MEX3C: variants seen among roughly 807,000 people sequenced by gnomAD.
MEX3C encodes mex-3 RNA binding family member C.
Under a neutral mutation model 35.5 loss-of-function variants are expected in MEX3C, and 15 were observed. The ratio of observed to expected loss-of-function variants is 0.42; its 90% CI spans 0.28 to 0.65. The LOEUF is 0.65. Ranked by LOEUF, MEX3C falls within the 30% of genes least tolerant of loss-of-function variation. The probability of loss-of-function intolerance (pLI) is 0.20; values close to 1 mark genes in which losing one functional copy is unlikely to be tolerated. For missense variants in MEX3C, 711 were observed against 842.8 expected (o/e 0.84, Z 1.94); for synonymous variants, 390 against 352.8 (o/e 1.11, Z -1.18).
In MEX3C at chr18:51,175,597, T is replaced by C. The variant is rs1257782053; in HGVS notation, c.*754A>G. 3.9e-5 allele frequency: 6 copies of C among 152,776 alleles called. No individual in the cohort carries two copies. The highest frequency in any genetic ancestry group is 6.5e-5 in the Admixed American group (1 of 15,302). The allele number at this position is 152,776 out of a possible 1,614,324, so 9.5% of individuals were successfully genotyped here. A position where few individuals can be genotyped will look rare whatever the true frequency, so the allele number is the denominator to read the frequency against. On this transcript the variant is annotated 3_prime_UTR_variant, in exon 2 of 2. Transcript: ENST00000406189. ...TTGCATCCTCAATTATCAGCCAATA[T>C]AGGTGCCATCCCAAAGCCCTTCCTG...
intron 1 of MEX3C, chr18:51,196,276 G>A (rs1912784367): frequency 3.6e-6 from 2 of 555,950 alleles, no homozygotes; most frequent in Non-Finnish European, 5.9e-6. Flanking sequence ...GGTTTCTGGT[G>A]CCACGCCAGC....
At position 51,175,310 on chromosome 18, in the gene MEX3C, C is replaced by T. The variant is rs1052679999; in HGVS notation, c.*1041G>A. On this transcript the variant is annotated 3_prime_UTR_variant, in exon 2 of 2. Coordinates refer to ENST00000406189, the MANE Select transcript of MEX3C (RefSeq NM_016626.5). ...TATAGACATCCACAGGTGAAATGTA[C>T]GAGTATATTTTAAATAAATCTTTCC... is the stretch of plus-strand genomic sequence containing the variant. 3.9e-5 allele frequency: 6 copies of T among 152,498 alleles called. No individual in the cohort carries two copies. Among genetic ancestry groups the T allele is most frequent in the East Asian group, 1.9e-4 (1 of 5,172 alleles). The allele number at this position is 152,498 out of a possible 1,614,324, so 9.4% of individuals were successfully genotyped here.
Position 51,177,542 on chromosome 18 carries a change from GTT to G in MEX3C, c.787_788del (p.Asn263HisfsTer10). 6.2e-7 allele frequency: 1 copy of G among 1,610,380 alleles called. No individual in the cohort carries two copies. Among genetic ancestry groups the G allele is most frequent in the South Asian group, 1.1e-5 (1 of 90,386 alleles). ...CKIKALRAKT[N>X]TYIKTPVRGE... The stretch of plus-strand genomic sequence containing the variant: ...CACGAACAGGAGTCTTGATATACGT[GTT>G]TGTCTTGGCTCTCAGTGCTTTAATT... On this transcript the variant is annotated frameshift_variant, in exon 2 of 2. Coordinates refer to ENST00000406189, the MANE Select transcript of MEX3C (RefSeq NM_016626.5). LOFTEE classifies it high-confidence loss of function. This position sits in a 1 kb window ranked among gnomAD's most constrained non-coding sequence, Gnocchi z 4.2.
intron 1 of MEX3C, among the ~76,000 whole-genome samples, chr18:51,188,077 A>G (rs1912577368): frequency 6.6e-6 from 1 of 152,204 alleles, no homozygotes; most frequent in Non-Finnish European, 1.5e-5. Flanking sequence ...ATATAAAACT[A>G]ATAGCTTTCC....
At chr18:51,192,432 G>A (rs1195897141) in intron 1 of MEX3C, among the ~76,000 whole-genome samples, 1 of 152,110 alleles carries the variant, frequency 6.6e-6, no homozygotes, top group Non-Finnish European at 1.5e-5. Flanking sequence ...TAAAGCTAGT[G>A]TCTATATATA....
chr18:51,197,543 T>A lies in MEX3C; in HGVS notation c.-223A>T, dbSNP rs1414532465. The stretch of plus-strand genomic sequence containing the variant: ...AAGGAGGCAGAGGTAGGTAACTAGG[T>A]GGGTGGGTGGGGACGGCGGCGGGGC... On this transcript the variant is annotated 5_prime_UTR_variant, in exon 1 of 2. Transcript: ENST00000406189. 1.0e-3 allele frequency among the ~76,000 whole-genome samples: 10 copies of A among 9,970 alleles called. No homozygotes were observed. In the Admixed American group the frequency reaches 0.014, roughly 14 times the overall value. The allele number at this position is 9,970 out of a possible 152,430, so 6.5% of individuals were successfully genotyped here. A position where few individuals can be genotyped will look rare whatever the true frequency, so the allele number is the denominator to read the frequency against.
Position 51,177,151 on chromosome 18 carries a change from G to T in MEX3C, c.1180C>A (p.Arg394Ser). 6.2e-7 allele frequency: 1 copy of T among 1,613,732 alleles called. No individual in the cohort carries two copies. Among genetic ancestry groups the T allele is most frequent in the Non-Finnish European group, 8.5e-7 (1 of 1,179,882 alleles). Residue 394 changes from arginine to serine, a missense_variant, in exon 2 of 2, where the codon CGT becomes AGT. Physicochemically the swap from Arg to Ser is moderately radical, Grantham distance 110 (BLOSUM62 -1). This residue lies in a region of MEX3C where 187 missense variants were observed against 201.7 expected (regional missense o/e 0.93). Coordinates refer to ENST00000406189, the MANE Select transcript of MEX3C (RefSeq NM_016626.5). The surrounding 1 kb of genome is among the most constrained non-coding windows in gnomAD (Gnocchi z 4.2). The part of the protein sequence containing the change: ...REEIEMHIAM[R>S]TGNYIELNEE... The stretch of plus-strand genomic sequence containing the variant: ...TTGAGCTCTATATAGTTTCCTGTAC[G>T]CATGGCAATATGCATTTCTATTTCT...
chr18:51,195,506 A>T (rs1342510358), intron 1 of MEX3C: 1 of 152,226 alleles, frequency 6.6e-6, no homozygotes, highest in Non-Finnish European at 1.5e-5. Flanking sequence ...GAAAGATGAG[A>T]TCATTTAAGC....
intron 1 of MEX3C, among the ~76,000 whole-genome samples, chr18:51,191,520 CAG>C (rs1275389101): frequency 6.6e-6 from 1 of 152,152 alleles, no homozygotes; most frequent in Non-Finnish European, 1.5e-5. Flanking sequence ...CCCATCTTGA[CAG>C]AAGTGCCAAG....
intron 1 of MEX3C, among the ~76,000 whole-genome samples, chr18:51,179,629 G>A (rs1422553202): frequency 6.6e-6 from 1 of 152,146 alleles, no homozygotes; most frequent in African/African-American, 2.4e-5. Flanking sequence ...CACATTTTCG[G>A]ATTAGAAGTG....
intron 1 of MEX3C, among the ~76,000 whole-genome samples, chr18:51,187,583 C>G (rs951999661): frequency 6.6e-6 from 1 of 152,090 alleles, no homozygotes; most frequent in Non-Finnish European, 1.5e-5. Context: ...CTATTTTCCC[C>G]TAAAAACACA....
chr18:51,196,511 C>T (rs892043701), intron 1 of MEX3C, 56 bp downstream of exon 1: 2 of 1,520,498 alleles, frequency 1.3e-6, no homozygotes, highest in Non-Finnish European at 1.8e-6. Flanking sequence ...TTTCTCTCGT[C>T]TCCCCACCCA....
intron 1 of MEX3C, among the ~76,000 whole-genome samples, chr18:51,187,439 C>G (rs1291254258): frequency 6.6e-6 from 1 of 152,138 alleles, no homozygotes; most frequent in Non-Finnish European, 1.5e-5. Context: ...TTAGGGCAAA[C>G]TATGATTAAA....
chr18:51,183,351 G>A (rs1197670180), intron 1 of MEX3C, among the ~76,000 whole-genome samples: 2 of 152,118 alleles, frequency 1.3e-5, no homozygotes, highest in Non-Finnish European at 2.9e-5. Flanking sequence ...CTTCCCAACA[G>A]AAAAAGCACC....
intron 1 of MEX3C, among the ~76,000 whole-genome samples, chr18:51,183,363 T>C (rs1378766626): frequency 6.6e-6 from 1 of 152,174 alleles, no homozygotes. Flanking sequence ...AAAAGCACCA[T>C]GTGATAAAGA....
chr18:51,175,735 A>G lies in MEX3C; in HGVS notation c.*616T>C, dbSNP rs1912286861. 1 of 152,682 alleles carries G rather than the reference A, an allele frequency of 6.5e-6. No homozygotes were observed. The highest frequency in any genetic ancestry group is 1.5e-5 in the Non-Finnish European group (1 of 68,088). 9.5% of individuals were successfully genotyped at this position (152,682 alleles called of 1,614,324 possible). Reference sequence around the variant, plus strand: ...ATACCAGCCTTGAGCACTCTGGGCGAGATGAAAGTTGATGTAGCAGTTTTT... The same window carrying G: ...ATACCAGCCTTGAGCACTCTGGGCGGGATGAAAGTTGATGTAGCAGTTTTT... On this transcript the variant is annotated 3_prime_UTR_variant, in exon 2 of 2. Transcript: ENST00000406189.
In MEX3C at chr18:51,193,984, T is replaced by G. The variant is rs16952912; in HGVS notation, c.754+2583A>C. On this transcript the variant is annotated intron_variant, in intron 1 of 1. Transcript: ENST00000406189. ...AATAGAAAATTATGGCTTCAGGTAA[T>G]ACATAAAATGGCAGAAATGGATAAT... The G allele has an allele frequency of 1.2e-4, 19 of 152,292 alleles. No individual in the cohort carries two copies. The East Asian group carries it at 3.7e-3, about 29-fold the overall frequency. The allele number at this position is 152,292 out of a possible 1,614,324, so 9.4% of individuals were successfully genotyped here.
rs1325889646 is a variant in MEX3C at position 51,197,099 on chromosome 18, TGCCGGGGCCCGAAGC to T, written c.207_221del (p.Leu70_Ala74del). 18 of 1,187,374 alleles carry T rather than the reference TGCCGGGGCCCGAAGC, an allele frequency of 1.5e-5. No homozygotes were observed. Among genetic ancestry groups the T allele is most frequent in the Non-Finnish European group, 1.9e-5 (18 of 962,114 alleles). 73.6% of individuals were successfully genotyped at this position (1,187,374 alleles called of 1,614,324 possible). A position where few individuals can be genotyped will look rare whatever the true frequency, so the allele number is the denominator to read the frequency against. ...GCCGGGCCTGGCCCTGCGCCGCCGCTGCCGGGGCCCGAAGCGCCGGGGCGCCGGGCTCCGCCGGGC... is the reference window on the plus strand; with the variant it reads ...GCCGGGCCTGGCCCTGCGCCGCCGCTGCCGGGGCGCCGGGCTCCGCCGGGC... On this transcript the variant is annotated inframe_deletion, in exon 1 of 2. Coordinates refer to ENST00000406189, the MANE Select transcript of MEX3C (RefSeq NM_016626.5).
At chr18:51,194,689 A>G (rs925478226) in intron 1 of MEX3C, 1 of 152,194 alleles carries the variant, frequency 6.6e-6, no homozygotes, top group African/African-American at 2.4e-5. Flanking sequence ...TTGTTACCCT[A>G]GACTGTTACC....
Sources: gnomAD v4.1 joint callset for allele counts (sites outside exome capture counted in the v4.1 genomes callset) on GRCh38, gnomAD v4.1.1 for gene constraint, gnomAD v4.1.1 regional missense constraint, Gnocchi (gnomAD v3.1) non-coding constraint, MANE v1.5 for transcripts, NCBI Gene and HGNC (gene_info 2026-07-23, HGNC 2026-07-21) for gene names.